Variants in RABGAP1 observed in about 807,000 individuals in gnomAD.
The protein encoded by RABGAP1 is RAB GTPase activating protein 1, also known as rab GTPase-activating protein 1.
In RABGAP1, 23 loss-of-function variants were observed where a neutral mutation model predicts 137.6. The observed-to-expected ratio is 0.17, with a 90% CI of 0.12 to 0.24. The LOEUF (loss-of-function observed/expected upper bound fraction) is 0.24. Ranked by LOEUF, RABGAP1 falls within the 10% of genes least tolerant of loss-of-function variation. The pLI, the probability that RABGAP1 is intolerant of heterozygous loss-of-function variation, is 1.00. For synonymous variants in RABGAP1, 451 were observed against 450.7 expected, an observed-to-expected ratio of 1.00 and a Z score of -0.01; for missense variants, 906 against 1,275.8, an observed-to-expected ratio of 0.71 and a Z score of 4.42.
At chr9:122,954,709 T>TAAA (rs1264186885) in intron 1 of RABGAP1, among the ~76,000 whole-genome samples, 2 of 152,146 alleles carry the variant, frequency 1.3e-5, no homozygotes, top group Middle Eastern at 3.2e-3. Flanking sequence ...AAAAAAAAGA[T>TAAA]AAAGACTCCT....
intron 13 of RABGAP1, among the ~76,000 whole-genome samples, chr9:123,025,071 T>C (rs1183819908): frequency 6.6e-6 from 1 of 152,218 alleles, no homozygotes; most frequent in African/African-American, 2.4e-5. Flanking sequence ...TTTATGTCTT[T>C]AATCCATCTG....
intron 6 of RABGAP1, among the ~76,000 whole-genome samples, chr9:122,992,129 C>T (rs1183666939): frequency 2.0e-5 from 3 of 151,680 alleles, no homozygotes; most frequent in Non-Finnish European, 2.9e-5. Context: ...CTCTGTCTCC[C>T]AGGTTCAAGC....
chr9:122,937,597 C>CA (rs1054457627), upstream of RABGAP1: 28 of 137,976 alleles, frequency 2.0e-4, no homozygotes, highest in African/African-American at 3.5e-4. Flanking sequence ...ACTCTATCTC[C>CA]AAAAAAAAAC....
intron 13 of RABGAP1, among the ~76,000 whole-genome samples, chr9:123,038,378 T>C (rs942509516): frequency 2.6e-5 from 4 of 152,156 alleles, no homozygotes; most frequent in African/African-American, 9.6e-5. Context: ...AATTTTTTTT[T>C]ACCGTAAATG....
rs765153318 is a variant in RABGAP1, at chr9:123,010,344, CA to C, written c.1375-9del. 8.8e-6 allele frequency: 14 copies of C among 1,582,414 alleles called. No individual in the cohort carries two copies. Among genetic ancestry groups the C allele is most frequent in the Admixed American group, 1.8e-5 (1 of 56,592 alleles). ...TACTGCTTAATAAATAATATTTTTT[CA>C]TCTTCAAGATAAAGCAAAGGGAGAG... On this transcript the variant is annotated splice_polypyrimidine_tract_variant and intron_variant, in intron 10 of 25. Transcript: ENST00000373647.
intron 13 of RABGAP1, among the ~76,000 whole-genome samples, chr9:123,043,331 G>C (rs1310345118): frequency 2.6e-5 from 4 of 152,118 alleles, no homozygotes; most frequent in Non-Finnish European, 4.4e-5. Flanking sequence ...GTCTAAATAG[G>C]AGCAGGAACA....
At chr9:123,097,613 T>C in intron 21 of RABGAP1, 128 bp from the exon 22 acceptor site, 1 of 739,740 alleles carries the variant, frequency 1.4e-6, no homozygotes, top group Non-Finnish European at 2.2e-6. Flanking sequence ...ATTGTGACCC[T>C]GGGGATATAA....
intron 2 of RABGAP1, among the ~76,000 whole-genome samples, chr9:122,979,556 T>A (rs1455580158): frequency 6.6e-6 from 1 of 152,246 alleles, no homozygotes; most frequent in Non-Finnish European, 1.5e-5. Flanking sequence ...TCAAAAAGAT[T>A]TCTCCTGTGT....
chr9:122,950,377 C>CTTTTTTTTTT (rs200424486), intron 1 of RABGAP1, among the ~76,000 whole-genome samples: 45 of 74,482 alleles, frequency 6.0e-4, no homozygotes, highest in Non-Finnish European at 7.6e-4. Context: ...CTTTTTCTTT[C>CTTTTTTTTTT]TTTTTTTTTT....
chr9:123,014,175 C>A (rs10121571), intron 11 of RABGAP1, among the ~76,000 whole-genome samples: 1 of 152,074 alleles, frequency 6.6e-6, no homozygotes, highest in Non-Finnish European at 1.5e-5. Context: ...AAGTAGATAT[C>A]TTAGTCCATG....
chr9:123,076,834 A>G (rs1269047765), intron 19 of RABGAP1, 72 bp downstream of exon 19: 1 of 1,077,916 alleles, frequency 9.3e-7, no homozygotes, highest in Admixed American at 3.9e-5. Context: ...CATTTATAAT[A>G]CATAATTATT....
chr9:123,048,377 A>C (rs1434061564), intron 13 of RABGAP1, among the ~76,000 whole-genome samples: 2 of 152,214 alleles, frequency 1.3e-5, no homozygotes, highest in Non-Finnish European at 2.9e-5. Flanking sequence ...TTTTCTTGGA[A>C]ATAATCCATT....
In RABGAP1 at chr9:123,083,520, C is replaced by G. The variant is rs1220026626; in HGVS notation, c.2425-6238C>G. On this transcript the variant is annotated intron_variant, in intron 19 of 25. Transcript: ENST00000373647. ...TAAGCTGGTCTCCCTTAGTCCTTAT[C>G]TGTTTGGGTTCTCTGCTACTAATTT... is the stretch of plus-strand genomic sequence containing the variant. 2.6e-5 allele frequency among the ~76,000 whole-genome samples: 4 copies of G among 152,184 alleles called. No homozygotes were observed. The East Asian group carries it at 7.7e-4, about 29-fold the overall frequency.
At chr9:123,054,541 T>G (rs1188932550) in intron 13 of RABGAP1, among the ~76,000 whole-genome samples, 1 of 152,234 alleles carries the variant, frequency 6.6e-6, no homozygotes, top group African/African-American at 2.4e-5. Context: ...TTACCTTGTA[T>G]TATTATGGTA....
chr9:122,937,125 C>T (rs927599345), upstream of RABGAP1, among the ~76,000 whole-genome samples: 1 of 151,918 alleles, frequency 6.6e-6, no homozygotes, highest in African/African-American at 2.4e-5. Flanking sequence ...ATAGTGAGAC[C>T]CCATCTCTAG....
At chr9:123,051,948 C>T (rs529175856) in intron 13 of RABGAP1, among the ~76,000 whole-genome samples, 4 of 144,268 alleles carry the variant, frequency 2.8e-5, no homozygotes, top group South Asian at 4.2e-4. Flanking sequence ...CCTGCCACCA[C>T]GCCCGGCTAA....
At chr9:123,031,565 A>G (rs2032300258) in intron 13 of RABGAP1, among the ~76,000 whole-genome samples, 1 of 152,218 alleles carries the variant, frequency 6.6e-6, no homozygotes, top group African/African-American at 2.4e-5. Context: ...ATCATCTTCT[A>G]TGGTAAGTGT....
At chr9:123,055,461 G>C (rs943957785) in intron 13 of RABGAP1, among the ~76,000 whole-genome samples, 3 of 151,354 alleles carry the variant, frequency 2.0e-5, no homozygotes, top group Non-Finnish European at 4.4e-5. Context: ...TGAACTCCTT[G>C]GTTCACGCAG....
intron 11 of RABGAP1, among the ~76,000 whole-genome samples, chr9:123,013,689 A>G (rs771812015): frequency 5.9e-5 from 9 of 152,168 alleles, no homozygotes; most frequent in Non-Finnish European, 1.0e-4. Context: ...CTCACATTCT[A>G]TCATCTTCTG....
Sources: allele counts gnomAD v4.1 joint callset (sites outside exome capture counted in the v4.1 genomes callset), GRCh38; gene constraint gnomAD v4.1.1; transcripts MANE v1.5; gene names NCBI Gene and HGNC (gene_info 2026-07-23, HGNC 2026-07-21).